Variants in MRTFB observed in about 807,000 individuals in gnomAD.
MRTFB encodes myocardin-related transcription factor B.
MRTFB carries 29 observed loss-of-function variants against 104.2 expected under a neutral mutation model. That is an observed-to-expected ratio of 0.28 (90% CI 0.21 to 0.38). The LOEUF (loss-of-function observed/expected upper bound fraction) is 0.38. MRTFB is among the 10% of genes least tolerant of loss of function. The pLI, the probability that MRTFB is intolerant of heterozygous loss-of-function variation, is 1.00. For synonymous variants in MRTFB, 535 were observed against 519.5 expected (o/e 1.03, Z -0.41); for missense variants, 1,270 against 1,341.6 (o/e 0.95, Z 0.83).
In MRTFB at chr16:14,127,921, ATATATATATTTTTTTTTTTTTT is replaced by A. The variant is rs1340470112; in HGVS notation, c.-63-12621_-63-12600del. On this transcript the variant is annotated intron_variant, in intron 2 of 16. Coordinates refer to ENST00000571589, the MANE Select transcript of MRTFB (RefSeq NM_001308142.2). ...ACTGAATATATATATATATATATAT[ATATATATATTTTTTTTTTTTTT>A]TTTTTTTTCTTTTTTTCCCCTTTTC... Among the ~76,000 whole-genome samples the A allele has an allele frequency of 6.5e-4, 26 of 39,876 alleles. 1 individual carries two copies. Among genetic ancestry groups the A allele is most frequent in the African/African-American group, 5.5e-3 (25 of 4,538 alleles). The allele number at this position is 39,876 out of a possible 152,430, so 26.2% of individuals were successfully genotyped here.
At chr16:13,998,272 G>A in the MRTFB span, among the ~76,000 whole-genome samples, 13 of 152,118 alleles carry the variant, frequency 8.5e-5, no homozygotes, top group African/African-American at 2.7e-4. Flanking sequence ...GATCTACCTC[G>A]GGGTAGATCT....
intron 1 of MRTFB, among the ~76,000 whole-genome samples, chr16:14,072,467 G>A (rs1255990772): frequency 2.0e-5 from 3 of 152,102 alleles, no homozygotes; most frequent in Non-Finnish European, 4.4e-5. Context: ...AAAATTAGGA[G>A]GAGCTATTTC....
chr16:14,254,659 C>T (rs902506936), intron 15 of MRTFB, among the ~76,000 whole-genome samples: 2 of 152,236 alleles, frequency 1.3e-5, no homozygotes, highest in East Asian at 3.8e-4. Flanking sequence ...ACCCAAGAAA[C>T]ATTTTGAAGT....
the MRTFB span, among the ~76,000 whole-genome samples, chr16:14,024,524 C>T: frequency 3.3e-5 from 5 of 152,136 alleles, no homozygotes; most frequent in African/African-American, 1.2e-4. Flanking sequence ...ATTAAAAACA[C>T]GCATTTCTCA....
At chr16:14,130,822 CCTT>C (rs2037402825) in intron 2 of MRTFB, among the ~76,000 whole-genome samples, 2 of 152,080 alleles carry the variant, frequency 1.3e-5, no homozygotes, top group South Asian at 4.1e-4. Flanking sequence ...GCAAACACAT[CCTT>C]CTTCACGGAA....
At chr16:14,147,661 C>T (rs1446823758) in intron 3 of MRTFB, among the ~76,000 whole-genome samples, 3 of 152,162 alleles carry the variant, frequency 2.0e-5, no homozygotes, top group Non-Finnish European at 4.4e-5. Flanking sequence ...GTTTGATCTC[C>T]TGCGGGAGTA....
Position 14,265,677 on chromosome 16 carries a change from G to T in MRTFB, c.*4233G>T, listed in dbSNP as rs1333997870. The T allele has an allele frequency of 6.6e-6, 1 of 152,098 alleles. No individual in the cohort carries two copies. Among genetic ancestry groups the T allele is most frequent in the Non-Finnish European group, 1.5e-5 (1 of 68,020 alleles). 9.4% of individuals were successfully genotyped at this position (152,098 alleles called of 1,614,324 possible). ...TCCAGGGAAACACATCATTACAAAG[G>T]GTTTCTACCTGAAATCTTTCATGGA... On this transcript the variant is annotated 3_prime_UTR_variant, in exon 17 of 17. Transcript: ENST00000571589.
chr16:14,162,179 T>A (rs1597119210), intron 3 of MRTFB, among the ~76,000 whole-genome samples: 1 of 149,460 alleles, frequency 6.7e-6, no homozygotes, highest in African/African-American at 2.5e-5. Context: ...AAAAAATTAT[T>A]TTTTAATAGC....
intron 12 of MRTFB, 105 bp from the exon 13 acceptor site, chr16:14,248,821 C>A: frequency 1.6e-6 from 2 of 1,225,124 alleles, no homozygotes; most frequent in African/African-American, 1.5e-5. Context: ...GGTCTTATTT[C>A]ATTTAGATAC....
chr16:14,218,758 C>T, intron 7 of MRTFB, 62 bp from the exon 8 acceptor site: 9 of 1,468,174 alleles, frequency 6.1e-6, no homozygotes, highest in African/African-American at 1.4e-5. Flanking sequence ...TTTCCTCCTT[C>T]ACATTAAGCT....
the MRTFB span, among the ~76,000 whole-genome samples, chr16:14,065,407 AGG>A: frequency 6.6e-6 from 1 of 152,202 alleles, no homozygotes; most frequent in Non-Finnish European, 1.5e-5. Context: ...TCTTACAAAC[AGG>A]GATAGTCTGA....
Position 14,262,076 on chromosome 16 carries a change from C to T in MRTFB, c.*632C>T, listed in dbSNP as rs1170127647. 2.6e-5 allele frequency: 4 copies of T among 151,792 alleles called. No individual in the cohort carries two copies. The highest frequency in any genetic ancestry group is 4.4e-5 in the Non-Finnish European group (3 of 67,954). The allele number at this position is 151,792 out of a possible 1,614,324, so 9.4% of individuals were successfully genotyped here. A position where few individuals can be genotyped will look rare whatever the true frequency, so the allele number is the denominator to read the frequency against. On this transcript the variant is annotated 3_prime_UTR_variant, in exon 17 of 17. Transcript: ENST00000571589. ...TTTTTGGAATCGTACTTTATATTTC[C>T]AAATTTAAATTTAAATGCAAGATCT...
In MRTFB at chr16:14,178,079, A is replaced by G. The variant is rs117015766; in HGVS notation, c.155-32164A>G. Among the ~76,000 whole-genome samples, 181 of 152,300 alleles carry G rather than the reference A, an allele frequency of 1.2e-3. 3 individuals carry two copies. In the East Asian group the frequency reaches 0.03, roughly 25 times the overall value. ...TGAGGGAAAATGAAAATATCTTGGT[A>G]TGCACAAAGGATCCTAGTGGAGAGG... On this transcript the variant is annotated intron_variant, in intron 3 of 16. Coordinates refer to ENST00000571589, the MANE Select transcript of MRTFB (RefSeq NM_001308142.2).
intron 2 of MRTFB, among the ~76,000 whole-genome samples, chr16:14,098,914 C>T (rs562554386): frequency 1.4e-4 from 21 of 152,304 alleles, no homozygotes; most frequent in African/African-American, 3.9e-4. Flanking sequence ...CCTATTTTGG[C>T]CTCTGTTTTG....
At chr16:14,231,825 C>T (rs1054123460) in intron 8 of MRTFB, among the ~76,000 whole-genome samples, 1 of 152,148 alleles carries the variant, frequency 6.6e-6, no homozygotes, top group Non-Finnish European at 1.5e-5. Context: ...AACGGAGGGG[C>T]TTTTGTTGTG....
At chr16:14,155,590 C>T (rs185009835) in intron 3 of MRTFB, among the ~76,000 whole-genome samples, 2 of 152,246 alleles carry the variant, frequency 1.3e-5, no homozygotes, top group East Asian at 3.9e-4. Flanking sequence ...GTTTGGTAGG[C>T]AGCTAAGTAA....
Position 14,261,387 on chromosome 16 carries a change from G to A in MRTFB, c.3243G>A (p.Pro1081=), listed in dbSNP as rs560271863. 35 of 1,613,602 alleles carry A rather than the reference G, an allele frequency of 2.2e-5. No individual in the cohort carries two copies. In the East Asian group the frequency reaches 3.8e-4, roughly 17 times the overall value. Residue 1081 remains proline, a synonymous_variant, in exon 17 of 17, where the codon CCG becomes CCA. Transcript: ENST00000571589. ...TCACTCCTCTCAGCACCACCGCGCC[G>A]AGCATGTTCTCTGCTGACTTTCTAG... ...SGLTPLSTTA[P]SMFSADFLDP...
At chr16:14,218,777 C>A in intron 7 of MRTFB, 43 bp from the exon 8 acceptor site, 1 of 1,534,396 alleles carries the variant, frequency 6.5e-7, no homozygotes, top group South Asian at 1.3e-5. Context: ...CTTGGTATTC[C>A]AAAGCCAACA....
chr16:14,023,606 CACACATACATATACATAT>C, the MRTFB span, among the ~76,000 whole-genome samples: 128 of 39,582 alleles, frequency 3.2e-3, no homozygotes, highest in African/African-American at 0.01. Flanking sequence ...CACACACACA[CACACATACATATACATAT>C]ACATATACAT....
Sources: allele counts gnomAD v4.1 joint callset (sites outside exome capture counted in the v4.1 genomes callset), GRCh38; gene constraint gnomAD v4.1.1; transcripts MANE v1.5; gene names NCBI Gene and HGNC (gene_info 2026-07-23, HGNC 2026-07-21).